The following ZMYM5 variants were observed in gnomAD, a reference collection of about 807,000 sequenced individuals.
ZMYM5 encodes the protein zinc finger MYM-type containing 5.
A neutral mutation model predicts 61.8 loss-of-function variants in ZMYM5; 41 were observed. The ratio of observed to expected loss-of-function variants is 0.66; its 90% CI spans 0.52 to 0.86. The LOEUF (loss-of-function observed/expected upper bound fraction) is 0.86. ZMYM5 is among the 40% of genes least tolerant of loss of function. The probability of loss-of-function intolerance (pLI) is 0.00; values close to 1 mark genes in which losing one functional copy is unlikely to be tolerated. For missense variants in ZMYM5, 706 were observed against 786.7 expected (o/e 0.90, Z 1.23); for synonymous variants, 257 against 276.4 (o/e 0.93, Z 0.70).
rs530319534 is a variant in ZMYM5 at position 19,852,999 on chromosome 13, C to T, written c.-10-809G>A. Among the ~76,000 whole-genome samples, 295 of 152,284 alleles carry T rather than the reference C, an allele frequency of 1.9e-3. 1 individual carries two copies. The highest frequency in any genetic ancestry group is 6.9e-3 in the African/African-American group (285 of 41,560). ...AGTAGGTAGGACTACAGGCTCTTGCCATCACAGCCCAGCTAATGTTCCATA... is the reference window on the plus strand; with the variant it reads ...AGTAGGTAGGACTACAGGCTCTTGCTATCACAGCCCAGCTAATGTTCCATA... On this transcript the variant is annotated intron_variant, in intron 2 of 7. Transcript: ENST00000337963.
At chr13:19,834,918 G>C (rs1301807128) in intron 7 of ZMYM5, among the ~76,000 whole-genome samples, 2 of 151,602 alleles carry the variant, frequency 1.3e-5, no homozygotes, top group Non-Finnish European at 2.9e-5. Context: ...CAAAATCCTG[G>C]CCCCAAGTGA....
chr13:19,848,109 T>C, intron 4 of ZMYM5, among the ~76,000 whole-genome samples: 1 of 152,064 alleles, frequency 6.6e-6, no homozygotes, highest in Admixed American at 6.6e-5. Context: ...TAGCTGTGAC[T>C]GCAGGAGCAT....
chr13:19,838,524 A>G (rs896624421), intron 5 of ZMYM5, among the ~76,000 whole-genome samples, 176 bp downstream of exon 5: 1 of 152,214 alleles, frequency 6.6e-6, no homozygotes, highest in African/African-American at 2.4e-5. Flanking sequence ...GAGAGTAAAT[A>G]CAGCACATAC....
chr13:19,859,620 G>A (rs1953654572), intron 2 of ZMYM5, among the ~76,000 whole-genome samples: 1 of 151,476 alleles, frequency 6.6e-6, no homozygotes, highest in Admixed American at 6.6e-5. Context: ...TGTTAGCCAG[G>A]ATGGTCTCAA....
At chr13:19,837,842 A>C in intron 5 of ZMYM5, 21 bp from the exon 6 acceptor site, 1 of 1,567,858 alleles carries the variant, frequency 6.4e-7, no homozygotes, top group Non-Finnish European at 8.6e-7. Context: ...AGGGATAGAC[A>C]CATAATTTAA....
At chr13:19,835,727 G>A in intron 6 of ZMYM5, 38 bp from the exon 7 acceptor site, 1 of 1,336,136 alleles carries the variant, frequency 7.5e-7, no homozygotes, top group South Asian at 1.2e-5. Context: ...TAAGATATAT[G>A]AACCAGATTA....
At chr13:19,829,979 A>G (rs1182827579) in intron 7 of ZMYM5, among the ~76,000 whole-genome samples, 1 of 152,158 alleles carries the variant, frequency 6.6e-6, no homozygotes, top group Non-Finnish European at 1.5e-5. Flanking sequence ...TTCTTGGACA[A>G]GATGATTATT....
At position 19,840,381 on chromosome 13, in the gene ZMYM5, G is replaced by A. The variant is rs868644955; in HGVS notation, c.587-1396C>T. Among the ~76,000 whole-genome samples the A allele has an allele frequency of 3.3e-5, 5 of 152,228 alleles. No homozygotes were observed. In the East Asian group the frequency reaches 5.8e-4, roughly 18 times the overall value. On this transcript the variant is annotated intron_variant, in intron 4 of 7. Transcript: ENST00000337963. ...AATAAAATTAGCTGGGTGTGGTGGCGCTCGCTTGCAGTCCCAGCTTCTCAC... is the reference window on the plus strand; with the variant it reads ...AATAAAATTAGCTGGGTGTGGTGGCACTCGCTTGCAGTCCCAGCTTCTCAC...
In ZMYM5 at chr13:19,852,035, G is replaced by C. The variant is rs143318146; in HGVS notation, c.146C>G (p.Ser49Ter). ...ATCATCATCATCATCTTCCACTGGT[G>C]AGTTCCTAGATCTACTGACTAAAGG... ...ACPLVSRSRNSPVEDDDDDDD... is the reference protein window; with the variant it reads ...ACPLVSRSRN Residue 49 changes from serine to a stop codon, truncating the protein, a stop_gained, in exon 3 of 8, where the codon TCA (serine) becomes TGA (stop). Transcript: ENST00000337963. LOFTEE classifies it high-confidence loss of function. 2.2e-3 allele frequency: 3,565 copies of C among 1,613,944 alleles called. 15 individuals are homozygous for C. Among genetic ancestry groups the C allele is most frequent in the Non-Finnish European group, 2.1e-3 (2,527 of 1,179,996 alleles).
Position 19,851,368 on chromosome 13 carries a change from A to C in ZMYM5, c.573T>G (p.Thr191=). Reference sequence around the variant, plus strand: ...CTTACTGCTTACCAGGACTATGATGAGTTGCAAATTCTCCATTCTGAAATA... The same window carrying C: ...CTTACTGCTTACCAGGACTATGATGCGTTGCAAATTCTCCATTCTGAAATA... The part of the protein sequence containing the change: ...GDLFQNGEFA[T]HHSPDSWISQ... The change falls in exon 4 of 8, where the codon ACT becomes ACG. Residue 191 remains threonine (T), a synonymous_variant. Coordinates refer to ENST00000337963, the MANE Select transcript of ZMYM5 (RefSeq NM_001142684.2). 1 of 1,613,962 alleles carries C rather than the reference A, an allele frequency of 6.2e-7. No homozygotes were observed. Among genetic ancestry groups the C allele is most frequent in the Non-Finnish European group, 8.5e-7 (1 of 1,179,866 alleles).
At chr13:19,861,663 T>C (rs1175584708) in intron 2 of ZMYM5, among the ~76,000 whole-genome samples, 2 of 152,016 alleles carry the variant, frequency 1.3e-5, no homozygotes, top group African/African-American at 2.4e-5. Flanking sequence ...AAGGACAAAA[T>C]TGGCAAGAAC....
chr13:19,852,218 G>C (rs1185571664), intron 2 of ZMYM5, 28 bp from the exon 3 acceptor site: 4 of 1,499,518 alleles, frequency 2.7e-6, no homozygotes, highest in Non-Finnish European at 2.6e-6. Context: ...AAAAAAAAAA[G>C]TTCTAGTATG....
chr13:19,853,979 T>C (rs1953413728), intron 2 of ZMYM5, among the ~76,000 whole-genome samples: 1 of 152,128 alleles, frequency 6.6e-6, no homozygotes, highest in African/African-American at 2.4e-5. Context: ...AAGGCAGTCA[T>C]CACTCCATTT....
Position 19,838,893 on chromosome 13 carries a change from T to C in ZMYM5, c.679A>G (p.Asn227Asp). ...TGTTGTTGGGCTGTAGGCTGGAAAT[T>C]CTGCTTACGAAGTAAGGCCACTGGT... is the stretch of plus-strand genomic sequence containing the variant. ...LSPVALLRKQ[N>D]FQPTAQQQLT... Residue 227 changes from asparagine (N) to aspartate (D), a missense_variant, in exon 5 of 8, where the codon AAT (asparagine) becomes GAT (aspartate). By Grantham distance (23) the Asn-to-Asp change is conservative (BLOSUM62 1). Coordinates refer to ENST00000337963, the MANE Select transcript of ZMYM5 (RefSeq NM_001142684.2). The C allele has an allele frequency of 3.1e-6, 5 of 1,614,158 alleles. No homozygotes were observed. The highest frequency in any genetic ancestry group is 1.6e-4 in the Middle Eastern group (1 of 6,062).
rs375637649 is a variant in ZMYM5, at chr13:19,855,301, C to T, written c.-10-3111G>A. ...TTTTTAAGATGGAGTCTCGCTCTGT[C>T]GCCCAGGCTGGAGTGCAGTGGCACA... On this transcript the variant is annotated intron_variant, in intron 2 of 7. Coordinates refer to ENST00000337963, the MANE Select transcript of ZMYM5 (RefSeq NM_001142684.2). Among the ~76,000 whole-genome samples, 347 of 151,768 alleles carry T rather than the reference C, an allele frequency of 2.3e-3. 3 individuals carry two copies. The highest frequency in any genetic ancestry group is 0.01 in the Middle Eastern group (3 of 294).
At chr13:19,836,920 A>T (rs901658746) in intron 6 of ZMYM5, among the ~76,000 whole-genome samples, 6 of 151,956 alleles carry the variant, frequency 3.9e-5, no homozygotes, top group Admixed American at 2.6e-4. Flanking sequence ...CATTCACTCC[A>T]CTTGTTCCAT....
rs765735360 is a variant in ZMYM5 at position 19,838,865 on chromosome 13, A to G, written c.707T>C (p.Leu236Pro). Residue 236 changes from leucine to proline, a missense_variant, in exon 5 of 8, where the codon CTT becomes CCT. Physicochemically the swap from Leu to Pro is moderately conservative, Grantham distance 98. Transcript: ENST00000337963. ...ACAAGTGATTTTAGCTGGTTTAGTA[A>G]GTTGTTGTTGGGCTGTAGGCTGGAA... ...QNFQPTAQQQ[L>P]TKPAKITCAN... 6.2e-7 allele frequency: 1 copy of G among 1,613,952 alleles called. No individual in the cohort carries two copies. Among genetic ancestry groups the G allele is most frequent in the African/African-American group, 1.3e-5 (1 of 74,890 alleles).
chr13:19,845,112 T>A (rs1450685687), intron 4 of ZMYM5, among the ~76,000 whole-genome samples: 1 of 152,182 alleles, frequency 6.6e-6, no homozygotes, highest in Non-Finnish European at 1.5e-5. Flanking sequence ...CAGTAGAAAC[T>A]ACCCCAAATA....
rs926501865 is a variant in ZMYM5 at position 19,846,749 on chromosome 13, C to A, written c.586+4606G>T. ...TAGACCAGTCTGTACCAAATACAGT[C>A]CCCCCCTTTTTTTTAAGGAAAAAAA... On this transcript the variant is annotated intron_variant, in intron 4 of 7. Coordinates refer to ENST00000337963, the MANE Select transcript of ZMYM5 (RefSeq NM_001142684.2). Among the ~76,000 whole-genome samples the A allele has an allele frequency of 2.0e-5, 3 of 150,080 alleles. No individual in the cohort carries two copies. The East Asian group carries it at 5.9e-4, about 29-fold the overall frequency.
Sources: allele counts gnomAD v4.1 joint callset (sites outside exome capture counted in the v4.1 genomes callset), GRCh38; gene constraint gnomAD v4.1.1; transcripts MANE v1.5; gene names NCBI Gene and HGNC (gene_info 2026-07-23, HGNC 2026-07-21).